Variants in LRRC4C observed in about 807,000 individuals in gnomAD.
The protein encoded by LRRC4C is leucine rich repeat containing 4C.
A neutral mutation model predicts 33.6 loss-of-function variants in LRRC4C; 5 were observed. The observed-to-expected ratio is 0.15, with a 90% CI of 0.08 to 0.31. The LOEUF is 0.31. Ranked by LOEUF, LRRC4C falls within the 10% of genes least tolerant of loss-of-function variation. LRRC4C has a pLI of 1.00. For synonymous variants in LRRC4C, 329 were observed against 302.0 expected (o/e 1.09, Z -0.93); for missense variants, 560 against 796.7 (o/e 0.70, Z 3.58).
At chr11:41,038,146 C>T (rs1338073913) in intron 1 of LRRC4C, among the ~76,000 whole-genome samples, 4 of 152,186 alleles carry the variant, frequency 2.6e-5, no homozygotes, top group African/African-American at 4.8e-5. Flanking sequence ...GGCAGGCAAG[C>T]CTCCTCAGGT....
intron 1 of LRRC4C, among the ~76,000 whole-genome samples, chr11:41,097,356 C>G (rs1940874647): frequency 6.6e-6 from 1 of 152,006 alleles, no homozygotes; most frequent in Non-Finnish European, 1.5e-5. Flanking sequence ...CCAGTAGGCC[C>G]CAAGTACAAA....
intron 2 of LRRC4C, among the ~76,000 whole-genome samples, chr11:40,791,369 T>C (rs1950615446): frequency 6.6e-6 from 1 of 152,190 alleles, no homozygotes; most frequent in Non-Finnish European, 1.5e-5. Flanking sequence ...CTTGTTTGTA[T>C]GTCTTGGGAG....
At chr11:41,008,617 T>C (rs1352897321) in intron 1 of LRRC4C, among the ~76,000 whole-genome samples, 1 of 152,144 alleles carries the variant, frequency 6.6e-6, no homozygotes, top group Non-Finnish European at 1.5e-5. Context: ...TGAGTGGTTT[T>C]CCTAATCTCA....
At chr11:40,782,799 A>G (rs1056285123) in intron 2 of LRRC4C, among the ~76,000 whole-genome samples, 1 of 152,128 alleles carries the variant, frequency 6.6e-6, no homozygotes, top group Admixed American at 6.6e-5. Flanking sequence ...TATGGTAAAA[A>G]GTCTTTCTGT....
chr11:40,725,910 T>C (rs1381711346), intron 2 of LRRC4C, among the ~76,000 whole-genome samples: 1 of 152,090 alleles, frequency 6.6e-6, no homozygotes, highest in Non-Finnish European at 1.5e-5. Context: ...TAATTTCTAC[T>C]TATGTGTGAG....
intron 2 of LRRC4C, among the ~76,000 whole-genome samples, chr11:40,862,985 C>T (rs1392463236): frequency 6.6e-6 from 1 of 152,184 alleles, no homozygotes; most frequent in African/African-American, 2.4e-5. Flanking sequence ...GGTTCTCCAA[C>T]ACGGAACACG....
At chr11:41,313,969 A>G (rs557727042) in intron 1 of LRRC4C, among the ~76,000 whole-genome samples, 13 of 152,264 alleles carry the variant, frequency 8.5e-5, no homozygotes, top group African/African-American at 3.1e-4. Flanking sequence ...TTGTAAATAT[A>G]TGAATAATTT....
At chr11:40,949,400 A>G (rs1330494106) in intron 1 of LRRC4C, among the ~76,000 whole-genome samples, 1 of 151,986 alleles carries the variant, frequency 6.6e-6, no homozygotes, top group Non-Finnish European at 1.5e-5. Context: ...GAGCAACTCC[A>G]AGACACATAA....
chr11:40,612,152 C>T lies in LRRC4C; in HGVS notation c.-270+35990G>A, dbSNP rs1300624465. 4.6e-5 allele frequency among the ~76,000 whole-genome samples: 7 copies of T among 151,892 alleles called. No individual in the cohort carries two copies. The East Asian group carries it at 1.2e-3, about 25-fold the overall frequency. Reference sequence around the variant, plus strand: ...TGGAAAGAGTTTACATGTCCACTAACACATGAGTAGATAAAGAAAATGTGG... The same window carrying T: ...TGGAAAGAGTTTACATGTCCACTAATACATGAGTAGATAAAGAAAATGTGG... On this transcript the variant is annotated intron_variant, in intron 3 of 6. Transcript: ENST00000528697.
At chr11:40,667,803 G>A (rs1029812604) in intron 2 of LRRC4C, among the ~76,000 whole-genome samples, 9 of 152,162 alleles carry the variant, frequency 5.9e-5, no homozygotes, top group African/African-American at 2.2e-4. Flanking sequence ...AGAGAAGGCA[G>A]CCTGGCCAAC....
At chr11:41,285,789 T>C (rs954644443) in intron 1 of LRRC4C, among the ~76,000 whole-genome samples, 23 of 152,260 alleles carry the variant, frequency 1.5e-4, no homozygotes, top group African/African-American at 5.1e-4. Flanking sequence ...CATTACATGG[T>C]CAATCTCTTT....
intron 3 of LRRC4C, among the ~76,000 whole-genome samples, chr11:40,638,961 A>G (rs1214542046): frequency 6.6e-6 from 1 of 152,124 alleles, no homozygotes; most frequent in Non-Finnish European, 1.5e-5. Context: ...GGATTCTTCA[A>G]GGCAGGCTTA....
chr11:40,936,032 A>G (rs1957871953), intron 1 of LRRC4C, among the ~76,000 whole-genome samples: 1 of 54,732 alleles, frequency 1.8e-5, no homozygotes, highest in Non-Finnish European at 3.7e-5. Flanking sequence ...ATATATATAT[A>G]TATATATATA....
At chr11:40,359,213 A>T (rs1261941374) in intron 3 of LRRC4C, among the ~76,000 whole-genome samples, 1 of 152,232 alleles carries the variant, frequency 6.6e-6, no homozygotes, top group Non-Finnish European at 1.5e-5. Flanking sequence ...GCAGGATACC[A>T]GTATGTGGCC....
chr11:41,336,785 C>A (rs74702897), intron 1 of LRRC4C, among the ~76,000 whole-genome samples: 3,593 of 152,224 alleles, frequency 0.024, 137 homozygotes, highest in African/African-American at 0.081. Context: ...GTGCTGGCAC[C>A]AACCCCAAAT....
intron 1 of LRRC4C, among the ~76,000 whole-genome samples, chr11:41,199,805 C>A (rs1304290507): frequency 1.3e-5 from 2 of 152,102 alleles, no homozygotes; most frequent in African/African-American, 4.8e-5. Context: ...AAAGTGTTTT[C>A]ATAGATATTG....
chr11:40,808,214 A>G (rs1363426738), intron 2 of LRRC4C, among the ~76,000 whole-genome samples: 1 of 152,044 alleles, frequency 6.6e-6, no homozygotes, highest in Non-Finnish European at 1.5e-5. Context: ...CATAATTATC[A>G]TTACTGTTTC....
At chr11:41,251,148 T>A (rs1948625809) in intron 1 of LRRC4C, among the ~76,000 whole-genome samples, 1 of 152,228 alleles carries the variant, frequency 6.6e-6, no homozygotes, top group South Asian at 2.1e-4. Flanking sequence ...GCATTTTGCT[T>A]ACTCTTTGAA....
chr11:41,257,132 C>T (rs1948827485), intron 1 of LRRC4C, among the ~76,000 whole-genome samples: 1 of 151,906 alleles, frequency 6.6e-6, no homozygotes, highest in Admixed American at 6.6e-5. Context: ...GTAGATAAAA[C>T]AGTACTATCA....
Sources: gnomAD v4.1 joint callset for allele counts (sites outside exome capture counted in the v4.1 genomes callset) on GRCh38, gnomAD v4.1.1 for gene constraint, MANE v1.5 for transcripts, NCBI Gene and HGNC (gene_info 2026-07-23, HGNC 2026-07-21) for gene names.